SEC24D: variants seen among roughly 807,000 people sequenced by gnomAD.
SEC24D encodes protein transport protein Sec24D.
A neutral mutation model predicts 116.9 loss-of-function variants in SEC24D; 69 were observed. The ratio of observed to expected loss-of-function variants is 0.59; its 90% confidence interval spans 0.49 to 0.72. SEC24D has a LOEUF of 0.72. Ranked by LOEUF, SEC24D falls within the 30% of genes least tolerant of loss-of-function variation. The probability of loss-of-function intolerance (pLI) is 0.00; values close to 1 mark genes in which losing one functional copy is unlikely to be tolerated. For synonymous variants in SEC24D, 405 were observed against 442.8 expected (o/e 0.91, Z 1.07); for missense variants, 1,131 against 1,264.1 (o/e 0.89, Z 1.60).
intron 3 of SEC24D, among the ~76,000 whole-genome samples, chr4:118,819,459 A>C (rs1430573444): frequency 7.3e-6 from 1 of 136,132 alleles, no homozygotes; most frequent in Non-Finnish European, 1.5e-5. Flanking sequence ...TGAACCTGGG[A>C]GGCGGAGCTT....
intron 19 of SEC24D, among the ~76,000 whole-genome samples, chr4:118,734,917 C>T (rs940240284): frequency 5.3e-5 from 8 of 152,168 alleles, no homozygotes; most frequent in Admixed American, 1.3e-4. Flanking sequence ...CCAGATAGAT[C>T]GCCCCGATGC....
intron 8 of SEC24D, among the ~76,000 whole-genome samples, chr4:118,771,170 GC>G (rs1304291617): frequency 6.6e-6 from 1 of 151,644 alleles, no homozygotes; most frequent in Non-Finnish European, 1.5e-5. Context: ...GGTGTGCATG[GC>G]TTTAAAAAAA....
chr4:118,747,770 G>C (rs902181408), intron 13 of SEC24D, among the ~76,000 whole-genome samples: 1 of 152,042 alleles, frequency 6.6e-6, no homozygotes, highest in African/African-American at 2.4e-5. Flanking sequence ...TAGCAGTAAA[G>C]AACATGGGTC....
intron 8 of SEC24D, among the ~76,000 whole-genome samples, chr4:118,795,188 C>A (rs1418462557): frequency 1.3e-5 from 2 of 151,352 alleles, no homozygotes; most frequent in Non-Finnish European, 2.9e-5. Flanking sequence ...TACCTGCATA[C>A]AAAGTCAGCA....
At chr4:118,743,920 C>G in intron 15 of SEC24D, 68 bp downstream of exon 15, 1 of 1,403,770 alleles carries the variant, frequency 7.1e-7, no homozygotes. Context: ...GCTTTTTAAA[C>G]CTATAATCTA....
chr4:118,723,560 A>T lies in SEC24D; in HGVS notation c.3054T>A (p.Asp1018Glu), dbSNP rs1279019394. 1 of 1,613,982 alleles carries T rather than the reference A, an allele frequency of 6.2e-7. No individual in the cohort carries two copies. Among genetic ancestry groups the T allele is most frequent in the South Asian group, 1.1e-5 (1 of 91,046 alleles). ...TCTCCTTGTGAACACAACAAAGGAA[A>T]TCCACATAAGAAGAGCCTCCGTAAA... ...KGLYGGSSYV[D>E]FLCCVHKEIC... Residue 1018 changes from aspartate (D) to glutamate (E), a missense_variant, in exon 23 of 23, where the codon GAT becomes GAA. Physicochemically the swap from Asp to Glu is conservative, Grantham distance 45. Transcript: ENST00000280551.
Position 118,752,761 on chromosome 4 carries a change from C to G in SEC24D, c.1549G>C (p.Val517Leu), listed in dbSNP as rs369026913. The G allele has an allele frequency of 6.2e-7, 1 of 1,612,048 alleles. No individual in the cohort carries two copies. The highest frequency in any genetic ancestry group is 1.7e-5 in the Admixed American group (1 of 59,632). The change falls in exon 12 of 23, where the codon GTC becomes CTC. Residue 517 changes from valine to leucine, a missense_variant. Physicochemically the swap from Val to Leu is conservative, Grantham distance 32. Coordinates refer to ENST00000280551, the MANE Select transcript of SEC24D (RefSeq NM_014822.4). ...QMMVVTDVGE[V>L]FVPLLDGFLV... ...AAACCATCCAACAAAGGAACAAAGA[C>G]TTCTCCAACATCAGTCACCACCATC...
chr4:118,778,926 T>C (rs1728270511), intron 8 of SEC24D, among the ~76,000 whole-genome samples: 1 of 152,206 alleles, frequency 6.6e-6, no homozygotes, highest in Non-Finnish European at 1.5e-5. Flanking sequence ...TATATAGGAA[T>C]GCTTGTGATT....
At chr4:118,759,271 T>C (rs1160134006) in intron 10 of SEC24D, among the ~76,000 whole-genome samples, 1 of 152,228 alleles carries the variant, frequency 6.6e-6, no homozygotes, top group Non-Finnish European at 1.5e-5. Flanking sequence ...AGTGTGAAAT[T>C]AGATTTGGCT....
At position 118,833,715 on chromosome 4, in the gene SEC24D, T is replaced by C. The variant is rs1282585518; in HGVS notation, c.-19A>G. ...GACTCATTATGAAAATATCATTCCA[T>C]AGGATAATTCTACAAAAGAAGTCTG... On this transcript the variant is annotated 5_prime_UTR_variant, in exon 2 of 23. An upstream start codon of the reference 5' UTR is lost. Transcript: ENST00000280551. 3 of 1,546,028 alleles carry C rather than the reference T, an allele frequency of 1.9e-6. No individual in the cohort carries two copies. The highest frequency in any genetic ancestry group is 1.7e-5 in the Admixed American group (1 of 57,412).
At chr4:118,780,982 ATG>A (rs1359129772) in intron 8 of SEC24D, among the ~76,000 whole-genome samples, 1 of 119,492 alleles carries the variant, frequency 8.4e-6, no homozygotes, top group African/African-American at 3.3e-5. Flanking sequence ...TTTTGAGCCT[ATG>A]TGTGTCTCTG....
intron 2 of SEC24D, among the ~76,000 whole-genome samples, chr4:118,828,684 C>A (rs1345134871): frequency 6.6e-6 from 1 of 152,172 alleles, no homozygotes; most frequent in Non-Finnish European, 1.5e-5. Flanking sequence ...AACCCTGCTG[C>A]AGAGAGCAGT....
At chr4:118,827,827 C>CGT (rs1730647517) in intron 2 of SEC24D, among the ~76,000 whole-genome samples, 1 of 152,166 alleles carries the variant, frequency 6.6e-6, no homozygotes, top group African/African-American at 2.4e-5. Flanking sequence ...TCCCTTTCCA[C>CGT]TAAAGGGGAC....
chr4:118,824,529 C>CT, intron 3 of SEC24D, 91 bp downstream of exon 3: 8 of 1,413,066 alleles, frequency 5.7e-6, no homozygotes, highest in Non-Finnish European at 7.8e-6. Context: ...AAACGTCAAA[C>CT]TTTCAACCAA....
At chr4:118,756,196 C>G (rs1727083458) in intron 11 of SEC24D, among the ~76,000 whole-genome samples, 1 of 152,100 alleles carries the variant, frequency 6.6e-6, no homozygotes, top group African/African-American at 2.4e-5. Context: ...ATTAAACCAA[C>G]CCCATGAGAG....
chr4:118,739,030 A>G, intron 18 of SEC24D, 119 bp downstream of exon 18: 1 of 890,018 alleles, frequency 1.1e-6, no homozygotes, highest in Non-Finnish European at 1.8e-6. Flanking sequence ...CTTTGCTTTT[A>G]TTAGTTCTGA....
At chr4:118,788,757 T>A (rs778967516) in intron 8 of SEC24D, among the ~76,000 whole-genome samples, 1 of 152,220 alleles carries the variant, frequency 6.6e-6, no homozygotes, top group Non-Finnish European at 1.5e-5. Flanking sequence ...ATTAGCAACA[T>A]GTTTATCAGT....
intron 13 of SEC24D, among the ~76,000 whole-genome samples, chr4:118,745,311 A>T (rs1198932836): frequency 1.3e-5 from 2 of 152,206 alleles, no homozygotes; most frequent in Non-Finnish European, 2.9e-5. Flanking sequence ...ATTTAAAGAT[A>T]GGTCTGTGTA....
chr4:118,762,543 C>T (rs1262385846), intron 10 of SEC24D, among the ~76,000 whole-genome samples: 2 of 138,230 alleles, frequency 1.4e-5, no homozygotes, highest in Non-Finnish European at 3.2e-5. Context: ...TAAGATGAGC[C>T]AAGATGAATA....
Sources: allele counts gnomAD v4.1 joint callset (sites outside exome capture counted in the v4.1 genomes callset), GRCh38; gene constraint gnomAD v4.1.1; transcripts MANE v1.5; gene names NCBI Gene and HGNC (gene_info 2026-07-23, HGNC 2026-07-21).